NSD1: variants seen among roughly 807,000 people sequenced by gnomAD.
NSD1 encodes histone-lysine N-methyltransferase, H3 lysine-36 specific.
A neutral mutation model predicts 242.7 loss-of-function variants in NSD1; 26 were observed. The ratio of observed to expected loss-of-function variants is 0.11; its 90% CI spans 0.08 to 0.15. The LOEUF (loss-of-function observed/expected upper bound fraction) is 0.15. Ranked by LOEUF, NSD1 falls within the 10% of genes least tolerant of loss-of-function variation. The probability of loss-of-function intolerance (pLI) is 1.00; values close to 1 mark genes in which losing one functional copy is unlikely to be tolerated. For synonymous variants in NSD1, 1,106 were observed against 1,178.1 expected, an observed-to-expected ratio of 0.94 and a Z score of 1.25; for missense variants, 2,495 against 3,272.8, an observed-to-expected ratio of 0.76 and a Z score of 5.80.
chr5:177,218,908 G>A (rs571328059), intron 5 of NSD1, among the ~76,000 whole-genome samples: 15 of 151,438 alleles, frequency 9.9e-5, no homozygotes, highest in African/African-American at 3.4e-4. Context: ...AACGGGAGCC[G>A]TATGTTTCTT....
At chr5:177,182,013 A>G (rs1581226061) in intron 2 of NSD1, among the ~76,000 whole-genome samples, 2 of 152,108 alleles carry the variant, frequency 1.3e-5, no homozygotes, top group African/African-American at 4.8e-5. Context: ...TTAGCCAGGC[A>G]TGGTGGCGGG....
At chr5:177,265,286 A>C in intron 14 of NSD1, 1 of 682,742 alleles carries the variant, frequency 1.5e-6, no homozygotes. Flanking sequence ...TTAAAAAAAA[A>C]AAGCAAAAGT....
rs1469476164 is a variant in NSD1, at chr5:177,159,150, C to G, written c.927+23120C>G. ...CTCCGCCTCCGGGGTTCAAGTGATT[C>G]TTGTACCTCAGCCTCCCGAGTTGCT... On this transcript the variant is annotated intron_variant, in intron 2 of 22. Transcript: ENST00000439151. Among the ~76,000 whole-genome samples, 4 of 150,466 alleles carry G rather than the reference C, an allele frequency of 2.7e-5. No individual in the cohort carries two copies. In the East Asian group the frequency reaches 7.7e-4, roughly 29 times the overall value.
intron 14 of NSD1, among the ~76,000 whole-genome samples, chr5:177,262,119 A>G (rs1208544377): frequency 1.3e-5 from 2 of 152,238 alleles, no homozygotes; most frequent in African/African-American, 4.8e-5. Flanking sequence ...AAGCCCTTGC[A>G]CAGTGAGAAA....
chr5:177,237,816 A>C (rs1189644621), intron 6 of NSD1, among the ~76,000 whole-genome samples: 2 of 152,148 alleles, frequency 1.3e-5, no homozygotes, highest in Admixed American at 1.3e-4. Flanking sequence ...TACAGGCGTG[A>C]GCCACCACGC....
intron 5 of NSD1, among the ~76,000 whole-genome samples, chr5:177,228,095 A>G (rs1291765278): frequency 6.6e-6 from 1 of 151,674 alleles, no homozygotes; most frequent in Non-Finnish European, 1.5e-5. Flanking sequence ...GTCTCCCTTT[A>G]TCTAGAAACT....
chr5:177,134,300 C>G lies in NSD1; in HGVS notation c.-18+348C>G, dbSNP rs1229665718. The G allele has an allele frequency of 6.6e-6, 1 of 152,080 alleles. No individual in the cohort carries two copies. Among genetic ancestry groups the G allele is most frequent in the East Asian group, 2.0e-4 (1 of 5,118 alleles). 9.4% of individuals were successfully genotyped at this position (152,080 alleles called of 1,614,324 possible). On this transcript the variant is annotated intron_variant, in intron 1 of 22. Coordinates refer to ENST00000439151, the MANE Select transcript of NSD1 (RefSeq NM_022455.5). The surrounding 1 kb of genome is among the most constrained non-coding windows in gnomAD (Gnocchi z 4.2). ...GCCCTCCCGCAGCAAACTTTGCTTGCTGCTGAATATTGATGAGAGCGATCG... is the reference window on the plus strand; with the variant it reads ...GCCCTCCCGCAGCAAACTTTGCTTGGTGCTGAATATTGATGAGAGCGATCG...
In NSD1 at chr5:177,134,519, G is replaced by C. The variant is rs991034534; in HGVS notation, c.-18+567G>C. Among the ~76,000 whole-genome samples, 2 of 152,200 alleles carry C rather than the reference G, an allele frequency of 1.3e-5. No homozygotes were observed. Among genetic ancestry groups the C allele is most frequent in the Admixed American group, 6.5e-5 (1 of 15,274 alleles). On this transcript the variant is annotated intron_variant, in intron 1 of 22. Transcript: ENST00000439151. The surrounding 1 kb of genome is among the most constrained non-coding windows in gnomAD (Gnocchi z 4.2). ...CTGCAGCTGCGGATCCAGCAGGCCT[G>C]CATTCAGGAAGGCGAGCTCTGGGGT...
At chr5:177,240,669 CG>C (rs1383690942) in intron 8 of NSD1, among the ~76,000 whole-genome samples, 10 of 151,994 alleles carry the variant, frequency 6.6e-5, no homozygotes, top group Non-Finnish European at 1.5e-4. Context: ...GCCGAGATGG[CG>C]CCACTGCACT....
chr5:177,265,186 C>T, intron 14 of NSD1: 1 of 773,506 alleles, frequency 1.3e-6, no homozygotes, highest in Non-Finnish European at 2.4e-6. Flanking sequence ...TTTGTGAGAA[C>T]CAATGGGAAG....
Position 177,299,720 on chromosome 5 carries a change from C to T in NSD1, c.*4261C>T, listed in dbSNP as rs1309814689. ...TGCTTTCCCATGGCTTTCAAAACAT[C>T]AGGTTATTGTGGGGCTTCAGGTGTA... On this transcript the variant is annotated 3_prime_UTR_variant, in exon 23 of 23. Transcript: ENST00000439151. 2 of 233,176 alleles carry T rather than the reference C, an allele frequency of 8.6e-6. No individual in the cohort carries two copies. Among genetic ancestry groups the T allele is most frequent in the Admixed American group, 1.1e-4 (2 of 17,774 alleles). The allele number at this position is 233,176 out of a possible 1,614,324, so 14.4% of individuals were successfully genotyped here.
At chr5:177,217,254 T>C (rs999633938) in intron 5 of NSD1, among the ~76,000 whole-genome samples, 2 of 152,200 alleles carry the variant, frequency 1.3e-5, no homozygotes, top group African/African-American at 4.8e-5. Context: ...TTCTATTCTT[T>C]TTTATGCTAT....
chr5:177,192,634 G>A (rs373626848), intron 3 of NSD1, among the ~76,000 whole-genome samples: 10 of 152,178 alleles, frequency 6.6e-5, no homozygotes, highest in Admixed American at 5.2e-4. Flanking sequence ...GACCTCAGGC[G>A]ATCTGCCTGC....
chr5:177,136,154 A>C (rs1756312474), intron 2 of NSD1, 124 bp downstream of exon 2: 1 of 844,366 alleles, frequency 1.2e-6, no homozygotes. Context: ...TCCTATTGCT[A>C]ATCATAAGCT....
rs746696165 is a variant in NSD1 at position 177,210,733 on chromosome 5, A to G, written c.2334A>G (p.Leu778=). 9.3e-6 allele frequency: 15 copies of G among 1,614,194 alleles called. No individual in the cohort carries two copies. The Admixed American group carries it at 1.8e-4, about 20-fold the overall frequency. Residue 778 remains leucine (L), a synonymous_variant, in exon 5 of 23, where the codon TTA becomes TTG. Coordinates refer to ENST00000439151, the MANE Select transcript of NSD1 (RefSeq NM_022455.5). The stretch of plus-strand genomic sequence containing the variant: ...GTGGGGCAGCAAATCAAGCTCTATT[A>G]CATTCGAAAAGCAAACAGCCCAAGT... ...IKGGAANQAL[L]HSKSKQPKFR...
intron 3 of NSD1, among the ~76,000 whole-genome samples, chr5:177,203,503 G>A (rs533133022): frequency 6.6e-6 from 1 of 152,004 alleles, no homozygotes; most frequent in Non-Finnish European, 1.5e-5. Context: ...TTGACCATGC[G>A]CTTGTTCTCT....
intron 13 of NSD1, among the ~76,000 whole-genome samples, chr5:177,258,342 T>G (rs1405809725): frequency 6.6e-6 from 1 of 152,030 alleles, no homozygotes; most frequent in East Asian, 1.9e-4. Flanking sequence ...AAGGCAGGAT[T>G]GGGGGTTTCG....
At chr5:177,173,344 A>T (rs1487547268) in intron 2 of NSD1, among the ~76,000 whole-genome samples, 1 of 151,734 alleles carries the variant, frequency 6.6e-6, no homozygotes, top group Non-Finnish European at 1.5e-5. Context: ...CAGTAACTAC[A>T]AGAAGTCTAT....
chr5:177,196,047 A>G (rs886278608), intron 3 of NSD1, among the ~76,000 whole-genome samples: 4 of 152,164 alleles, frequency 2.6e-5, no homozygotes, highest in South Asian at 2.1e-4. Flanking sequence ...TGGACTCTTC[A>G]TCAGTGGTGT....
Sources: gnomAD v4.1 joint callset for allele counts (sites outside exome capture counted in the v4.1 genomes callset) on GRCh38, gnomAD v4.1.1 for gene constraint, Gnocchi (gnomAD v3.1) non-coding constraint, MANE v1.5 for transcripts, NCBI Gene and HGNC (gene_info 2026-07-23, HGNC 2026-07-21) for gene names.